NTM: variants seen among roughly 807,000 people sequenced by gnomAD.
NTM encodes the protein IgLON family member 2.
A neutral mutation model predicts 42.1 loss-of-function variants in NTM; 13 were observed. That is an observed-to-expected ratio of 0.31 (90% CI 0.20 to 0.49). The LOEUF is 0.49. Ranked by LOEUF, NTM falls within the 20% of genes least tolerant of loss-of-function variation. The pLI, the probability that NTM is intolerant of heterozygous loss-of-function variation, is 0.99. For missense variants in NTM, 373 were observed against 452.8 expected (o/e 0.82, Z 1.60); for synonymous variants, 187 against 179.2 (o/e 1.04, Z -0.35).
At chr11:131,881,796 A>G (rs2049575038) in intron 1 of NTM, among the ~76,000 whole-genome samples, 1 of 152,214 alleles carries the variant, frequency 6.6e-6, no homozygotes, top group Non-Finnish European at 1.5e-5. Flanking sequence ...TAATGGGGGA[A>G]CAGGACAGGT....
At chr11:131,791,488 T>C (rs766354262) in intron 1 of NTM, among the ~76,000 whole-genome samples, 3 of 152,224 alleles carry the variant, frequency 2.0e-5, no homozygotes, top group African/African-American at 4.8e-5. Context: ...TAAATTTTCC[T>C]AACTGAATAC....
chr11:132,197,764 T>C (rs1267377035), intron 3 of NTM, among the ~76,000 whole-genome samples: 4 of 151,274 alleles, frequency 2.6e-5, no homozygotes, highest in African/African-American at 9.7e-5. Flanking sequence ...TTTTTTGTCC[T>C]TGTGATAGTT....
chr11:131,668,214 T>C (rs2069430066), intron 1 of NTM, among the ~76,000 whole-genome samples: 1 of 151,962 alleles, frequency 6.6e-6, no homozygotes, highest in South Asian at 2.1e-4. Context: ...TTGGAAGCAC[T>C]TTGTGTCATG....
At chr11:132,040,967 A>C (rs752241222) in intron 2 of NTM, among the ~76,000 whole-genome samples, 1 of 152,308 alleles carries the variant, frequency 6.6e-6, no homozygotes, top group East Asian at 1.9e-4. Flanking sequence ...AGATTAAATT[A>C]GTTAATATTT....
At chr11:132,229,833 C>T (rs2087118010) in intron 4 of NTM, among the ~76,000 whole-genome samples, 1 of 152,184 alleles carries the variant, frequency 6.6e-6, no homozygotes, top group Non-Finnish European at 1.5e-5. Flanking sequence ...GACCACATGG[C>T]AAGTCTTGGC....
At chr11:131,505,951 G>C (rs770406247) in intron 1 of NTM, among the ~76,000 whole-genome samples, 1 of 151,984 alleles carries the variant, frequency 6.6e-6, no homozygotes, top group Non-Finnish European at 1.5e-5. Context: ...GTGTGCCTCT[G>C]TTATTGCCCT....
intron 4 of NTM, among the ~76,000 whole-genome samples, chr11:132,283,913 G>A (rs980559508): frequency 2.6e-5 from 4 of 152,006 alleles, no homozygotes; most frequent in Admixed American, 2.6e-4. Flanking sequence ...ATCACCCCAG[G>A]GGCTCTATCT....
intron 2 of NTM, among the ~76,000 whole-genome samples, chr11:131,955,900 G>A (rs184567345): frequency 1.3e-4 from 20 of 152,324 alleles, no homozygotes; most frequent in Admixed American, 3.9e-4. Context: ...AGATTCCTGG[G>A]GCAAAGCAGC....
intron 1 of NTM, among the ~76,000 whole-genome samples, chr11:131,768,719 G>T (rs1477153487): frequency 6.6e-6 from 1 of 152,150 alleles, no homozygotes; most frequent in Admixed American, 6.5e-5. Context: ...CATGAACTAG[G>T]TGTCACGTAA....
intron 1 of NTM, among the ~76,000 whole-genome samples, chr11:131,873,487 C>A (rs975284207): frequency 6.7e-6 from 1 of 150,370 alleles, no homozygotes; most frequent in South Asian, 2.1e-4. Context: ...ATGTAGCAAA[C>A]CTGCACGTTC....
At chr11:131,650,751 G>GA (rs1056038796) in intron 1 of NTM, among the ~76,000 whole-genome samples, 45 of 149,948 alleles carry the variant, frequency 3.0e-4, no homozygotes, top group East Asian at 2.1e-3. Context: ...AACTACATCA[G>GA]AAAAAAAAAT....
rs76941593 is a variant in NTM, at chr11:131,440,261, T to C, written c.82+69373T>C. Among the ~76,000 whole-genome samples, 408 of 152,288 alleles carry C rather than the reference T, an allele frequency of 2.7e-3. 4 individuals are homozygous for C. The highest frequency in any genetic ancestry group is 0.014 in the Middle Eastern group (4 of 294). ...TTCTCTGCTTATTGTTATTTATTTA[T>C]TTTTCTGTTGAGAGGTGGGTGCTAA... On this transcript the variant is annotated intron_variant, in intron 1 of 8. Coordinates refer to ENST00000683400, the MANE Select transcript of NTM (RefSeq NM_001352005.2).
intron 1 of NTM, among the ~76,000 whole-genome samples, chr11:131,622,735 A>G (rs1015407593): frequency 3.9e-5 from 6 of 152,196 alleles, no homozygotes; most frequent in African/African-American, 1.4e-4. Flanking sequence ...AGGATGAGAC[A>G]GTAGAGATGT....
In NTM at chr11:132,146,258, G is replaced by A. The variant is rs755702161; in HGVS notation, c.168-24G>A. 5.5e-5 allele frequency: 89 copies of A among 1,613,302 alleles called. No homozygotes were observed. The highest frequency in any genetic ancestry group is 7.0e-5 in the Non-Finnish European group (82 of 1,179,548). Reference sequence around the variant, plus strand: ...TGCTGTCGTCTCTCAGTCCCTTGACGTACCTGTCTGGTCTTCCCTTCAGGT... The same window carrying A: ...TGCTGTCGTCTCTCAGTCCCTTGACATACCTGTCTGGTCTTCCCTTCAGGT... On this transcript the variant is annotated intron_variant, in intron 2 of 8. Transcript: ENST00000683400. The surrounding 1 kb of genome is among the most constrained non-coding windows in gnomAD (Gnocchi z 4.5).
intron 2 of NTM, among the ~76,000 whole-genome samples, chr11:132,013,113 GA>G (rs143048493): frequency 0.032 from 4,888 of 152,196 alleles, 270 homozygotes; most frequent in African/African-American, 0.11. Flanking sequence ...TGTAGTAAAG[GA>G]AGATTTTCAC....
chr11:132,203,372 A>G (rs1008237668), intron 3 of NTM, among the ~76,000 whole-genome samples: 2 of 152,220 alleles, frequency 1.3e-5, no homozygotes, highest in Admixed American at 6.5e-5. Flanking sequence ...TCCACAGAAC[A>G]TCTATTTTGA....
chr11:131,834,037 G>C (rs2043162717), intron 1 of NTM, among the ~76,000 whole-genome samples: 2 of 152,292 alleles, frequency 1.3e-5, no homozygotes, highest in South Asian at 2.1e-4. Flanking sequence ...ATGAGGTGGA[G>C]GTAGGGAGAA....
At chr11:131,584,278 G>A (rs890390889) in intron 1 of NTM, among the ~76,000 whole-genome samples, 2 of 152,182 alleles carry the variant, frequency 1.3e-5, no homozygotes, top group African/African-American at 4.8e-5. Flanking sequence ...GAGCTGATCA[G>A]CATCCGACTT....
At chr11:132,292,100 G>A (rs909812375) in intron 4 of NTM, among the ~76,000 whole-genome samples, 12 of 152,180 alleles carry the variant, frequency 7.9e-5, no homozygotes, top group Non-Finnish European at 1.5e-4. Flanking sequence ...AGATTGAGGA[G>A]AAAGTCCAGG....
Sources: allele counts gnomAD v4.1 joint callset (sites outside exome capture counted in the v4.1 genomes callset), GRCh38; gene constraint gnomAD v4.1.1; non-coding constraint Gnocchi (gnomAD v3.1); transcripts MANE v1.5; gene names NCBI Gene and HGNC (gene_info 2026-07-23, HGNC 2026-07-21).